ARHGAP24: variants seen among roughly 807,000 people sequenced by gnomAD.
The protein encoded by ARHGAP24 is Rho GTPase activating protein 24, also known as rho GTPase-activating protein 24.
ARHGAP24 carries 50 observed loss-of-function variants against 76.4 expected under a neutral mutation model. The observed-to-expected ratio is 0.65, with a 90% confidence interval of 0.52 to 0.83. The LOEUF (loss-of-function observed/expected upper bound fraction) is 0.83. Among genes scored for constraint, ARHGAP24 ranks in the 40% least tolerant of loss-of-function variants. The probability of loss-of-function intolerance (pLI) is 0.00; values close to 1 mark genes in which losing one functional copy is unlikely to be tolerated. For missense variants in ARHGAP24, 930 were observed against 914.2 expected (o/e 1.02, Z -0.22); for synonymous variants, 345 against 323.3 (o/e 1.07, Z -0.72).
chr4:85,478,817 A>G (rs1722702241), intron 1 of ARHGAP24, among the ~76,000 whole-genome samples: 2 of 152,190 alleles, frequency 1.3e-5, no homozygotes, highest in South Asian at 2.1e-4. Context: ...TCCTTCGGGA[A>G]AACTTACCCA....
chr4:85,692,207 G>A (rs1723691006), intron 2 of ARHGAP24, among the ~76,000 whole-genome samples: 2 of 152,156 alleles, frequency 1.3e-5, no homozygotes, highest in Admixed American at 1.3e-4. Flanking sequence ...CTGCTAGCCT[G>A]ACAGGGTTCC....
At chr4:85,826,163 A>G (rs1175762656) in intron 3 of ARHGAP24, among the ~76,000 whole-genome samples, 2 of 151,932 alleles carry the variant, frequency 1.3e-5, no homozygotes, top group African/African-American at 2.4e-5. Context: ...CCTCTCCACA[A>G]CTCGACCTCT....
At chr4:85,747,346 CA>C (rs201970961) in intron 3 of ARHGAP24, among the ~76,000 whole-genome samples, 1 of 151,000 alleles carries the variant, frequency 6.6e-6, no homozygotes. Flanking sequence ...TTTTATTTAG[CA>C]AAAAAAAGCA....
intron 2 of ARHGAP24, among the ~76,000 whole-genome samples, chr4:85,613,897 C>T (rs77493440): frequency 6.6e-6 from 1 of 152,162 alleles, no homozygotes; most frequent in Non-Finnish European, 1.5e-5. Context: ...TAGTACCTCA[C>T]GTCTCAGTAC....
rs34704760 is a variant in ARHGAP24, at chr4:85,972,310, CTT to C, written c.732+144_732+145del. ...TGAATTGACCTCACACACACTGAGA[CTT>C]TCCGTATACAGCTCAAGCACCATTT... On this transcript the variant is annotated intron_variant, in intron 6 of 9. Coordinates refer to ENST00000395184, the MANE Select transcript of ARHGAP24 (RefSeq NM_001025616.3). 2,926 of 1,065,720 alleles carry C rather than the reference CTT, an allele frequency of 2.7e-3. 51 individuals carry two copies. In the African/African-American group the frequency reaches 0.041, roughly 15 times the overall value. 66.0% of individuals were successfully genotyped at this position (1,065,720 alleles called of 1,614,324 possible). A position where few individuals can be genotyped will look rare whatever the true frequency, so the allele number is the denominator to read the frequency against.
intron 2 of ARHGAP24, among the ~76,000 whole-genome samples, chr4:85,709,774 A>G (rs1051475308): frequency 6.6e-6 from 1 of 152,192 alleles, no homozygotes; most frequent in African/African-American, 2.4e-5. Flanking sequence ...ATGCCTATTC[A>G]CAATTGCCAC....
chr4:85,601,368 T>C (rs28671522), intron 2 of ARHGAP24, among the ~76,000 whole-genome samples: 1,718 of 152,316 alleles, frequency 0.011, 37 homozygotes, highest in African/African-American at 0.039. Context: ...AGAGAACTAT[T>C]TTCCTGGTAT....
chr4:85,844,296 G>T (rs1730752979), intron 3 of ARHGAP24, among the ~76,000 whole-genome samples: 1 of 152,194 alleles, frequency 6.6e-6, no homozygotes, highest in Admixed American at 6.5e-5. Context: ...GGAGGGCCAG[G>T]TTCCTGGCTG....
chr4:85,889,174 G>GA (rs1387222024), intron 3 of ARHGAP24, among the ~76,000 whole-genome samples: 1 of 152,172 alleles, frequency 6.6e-6, no homozygotes, highest in Non-Finnish European at 1.5e-5. Context: ...ATTTACCTAA[G>GA]AAAATGCCAG....
intron 4 of ARHGAP24, among the ~76,000 whole-genome samples, chr4:85,925,252 C>A (rs996233638): frequency 2.6e-5 from 4 of 152,186 alleles, no homozygotes; most frequent in Admixed American, 1.3e-4. Flanking sequence ...CTGTCATTCC[C>A]AGGATGTGAA....
At chr4:85,602,165 A>G (rs1474538138) in intron 2 of ARHGAP24, among the ~76,000 whole-genome samples, 1 of 152,198 alleles carries the variant, frequency 6.6e-6, no homozygotes, top group Non-Finnish European at 1.5e-5. Flanking sequence ...AGGAAACCAT[A>G]GTACATAGAT....
intron 2 of ARHGAP24, among the ~76,000 whole-genome samples, chr4:85,694,579 T>G (rs1723800909): frequency 6.6e-6 from 1 of 152,186 alleles, no homozygotes; most frequent in Admixed American, 6.5e-5. Context: ...TAGAAAATGT[T>G]TCTATTGTTT....
rs569846702 is a variant in ARHGAP24 at position 85,722,035 on chromosome 4, G to T, written c.268+63G>T. The stretch of plus-strand genomic sequence containing the variant: ...CCTGTGTTGGTAAAGGTGAAGATGG[G>T]TCAGACAGGTTTCATTCTTTTTTGA... On this transcript the variant is annotated intron_variant, in intron 3 of 9. Coordinates refer to ENST00000395184, the MANE Select transcript of ARHGAP24 (RefSeq NM_001025616.3). 28 of 1,429,296 alleles carry T rather than the reference G, an allele frequency of 2.0e-5. No individual in the cohort carries two copies. The African/African-American group carries it at 3.9e-4, about 20-fold the overall frequency. The allele number at this position is 1,429,296 out of a possible 1,614,324, so 88.5% of individuals were successfully genotyped here.
chr4:85,631,528 G>A (rs553473447), intron 2 of ARHGAP24, among the ~76,000 whole-genome samples: 11 of 152,046 alleles, frequency 7.2e-5, no homozygotes, highest in African/African-American at 2.6e-4. Flanking sequence ...TTATTTCAAT[G>A]TCTATTTTAT....
intron 5 of ARHGAP24, among the ~76,000 whole-genome samples, chr4:85,959,034 G>T (rs1055417656): frequency 1.3e-5 from 2 of 152,164 alleles, no homozygotes; most frequent in African/African-American, 4.8e-5. Flanking sequence ...CGAGTCCGTA[G>T]AGTAAAGTGA....
intron 2 of ARHGAP24, among the ~76,000 whole-genome samples, chr4:85,597,368 C>T (rs964675820): frequency 1.3e-5 from 2 of 152,098 alleles, no homozygotes; most frequent in African/African-American, 4.8e-5. Context: ...ATGCTTACTT[C>T]GAGTTATGTG....
chr4:85,488,797 T>C (rs1723249399), intron 1 of ARHGAP24, among the ~76,000 whole-genome samples: 1 of 152,006 alleles, frequency 6.6e-6, no homozygotes, highest in Non-Finnish European at 1.5e-5. Flanking sequence ...GAGAAAAGAG[T>C]CACTAGTATG....
At chr4:85,800,559 G>A (rs1728534495) in intron 3 of ARHGAP24, among the ~76,000 whole-genome samples, 1 of 151,860 alleles carries the variant, frequency 6.6e-6, no homozygotes, top group Non-Finnish European at 1.5e-5. Flanking sequence ...AGAGGAAGAA[G>A]AAAAGGGAGA....
At chr4:85,541,647 A>C (rs1413304607) in intron 1 of ARHGAP24, among the ~76,000 whole-genome samples, 1 of 152,232 alleles carries the variant, frequency 6.6e-6, no homozygotes, top group Non-Finnish European at 1.5e-5. Context: ...ATGATATCAT[A>C]GTTTATTCAT....
Sources: allele counts gnomAD v4.1 joint callset (sites outside exome capture counted in the v4.1 genomes callset), GRCh38; gene constraint gnomAD v4.1.1; transcripts MANE v1.5; gene names NCBI Gene and HGNC (gene_info 2026-07-23, HGNC 2026-07-21).